ZCWPW2: variants seen among roughly 807,000 people sequenced by gnomAD.
The protein encoded by ZCWPW2 is zinc finger CW-type and PWWP domain containing 2, also known as zinc finger CW-type PWWP domain protein 2.
In ZCWPW2, 45 loss-of-function variants were observed where a neutral mutation model predicts 46.6. The ratio of observed to expected loss-of-function variants is 0.96; its 90% CI spans 0.76 to 1.24. The LOEUF (loss-of-function observed/expected upper bound fraction) is 1.24, where lower values mean the gene tolerates loss of function less well. ZCWPW2 is among the 50% of genes most tolerant of loss of function. The pLI, the probability that ZCWPW2 is intolerant of heterozygous loss-of-function variation, is 0.00. For synonymous variants in ZCWPW2, 152 were observed against 137.1 expected (o/e 1.11, Z -0.76); for missense variants, 429 against 403.9 (o/e 1.06, Z -0.53).
intron 2 of ZCWPW2, among the ~76,000 whole-genome samples, chr3:28,396,772 A>G (rs1473574421): frequency 6.6e-6 from 1 of 152,220 alleles, no homozygotes; most frequent in Non-Finnish European, 1.5e-5. Flanking sequence ...ACCAATTTCT[A>G]TCATAAGTAG....
chr3:28,356,239 A>G (rs552463555), intron 1 of ZCWPW2, among the ~76,000 whole-genome samples: 13 of 152,376 alleles, frequency 8.5e-5, no homozygotes, highest in Admixed American at 2.0e-4. Context: ...CAGCCAAAGG[A>G]CACATGGAAA....
At chr3:28,409,704 G>A (rs145940139) in intron 2 of ZCWPW2, among the ~76,000 whole-genome samples, 2 of 151,788 alleles carry the variant, frequency 1.3e-5, no homozygotes, top group Admixed American at 1.3e-4. Flanking sequence ...TAGTATTAAG[G>A]GTAACTATTG....
intron 1 of ZCWPW2, among the ~76,000 whole-genome samples, chr3:28,376,173 T>G (rs1705495145): frequency 3.3e-5 from 5 of 152,132 alleles, no homozygotes; most frequent in Admixed American, 3.3e-4. Context: ...GTGGGATTGC[T>G]GGTACTTGAT....
chr3:28,411,996 A>G (rs1277073587), intron 2 of ZCWPW2, among the ~76,000 whole-genome samples: 2 of 152,004 alleles, frequency 1.3e-5, no homozygotes, highest in East Asian at 1.9e-4. Flanking sequence ...CTATTGAAAT[A>G]TATGGACAAA....
At chr3:28,459,251 TC>T (rs1698537857) in intron 4 of ZCWPW2, among the ~76,000 whole-genome samples, 1 of 151,866 alleles carries the variant, frequency 6.6e-6, no homozygotes. Flanking sequence ...GCGCCTCTAG[TC>T]CCAGCTACTC....
At chr3:28,461,166 T>C (rs6800367) in intron 4 of ZCWPW2, 1 of 160,480 alleles carries the variant, frequency 6.2e-6, no homozygotes, top group African/African-American at 2.4e-5. Flanking sequence ...AAATTGAAGG[T>C]GCTTATATTT....
intron 3 of ZCWPW2, among the ~76,000 whole-genome samples, chr3:28,432,252 C>G (rs1389274469): frequency 2.0e-5 from 3 of 152,140 alleles, no homozygotes; most frequent in African/African-American, 7.2e-5. Context: ...TGCTGTACCA[C>G]TAGGAAATGT....
intron 1 of ZCWPW2, among the ~76,000 whole-genome samples, chr3:28,358,667 G>A (rs1010529795): frequency 3.9e-5 from 6 of 152,054 alleles, no homozygotes; most frequent in Non-Finnish European, 8.8e-5. Flanking sequence ...TCAACATCAA[G>A]TGTTGTGTAG....
intron 6 of ZCWPW2, among the ~76,000 whole-genome samples, chr3:28,499,833 A>T (rs748704672): frequency 1.3e-5 from 2 of 152,070 alleles, no homozygotes; most frequent in Non-Finnish European, 2.9e-5. Context: ...ATTTGTAGGC[A>T]TAGACACTTA....
chr3:28,478,950 T>C lies in ZCWPW2; in HGVS notation c.610+19T>C, dbSNP rs772610862. On this transcript the variant is annotated intron_variant, in intron 5 of 9. Transcript: ENST00000383768. ...CTACAAGGTGTATAAATATTTTTTC[T>C]TTATTACTCTGAAATAAGGATTTAT... 3 of 1,451,326 alleles carry C rather than the reference T, an allele frequency of 2.1e-6. No homozygotes were observed. The highest frequency in any genetic ancestry group is 1.3e-5 in the South Asian group (1 of 76,814). The allele number at this position is 1,451,326 out of a possible 1,614,324, so 89.9% of individuals were successfully genotyped here. A position where few individuals can be genotyped will look rare whatever the true frequency, so the allele number is the denominator to read the frequency against.
intron 6 of ZCWPW2, among the ~76,000 whole-genome samples, chr3:28,500,662 A>C (rs1358560490): frequency 6.6e-6 from 1 of 152,204 alleles, no homozygotes; most frequent in African/African-American, 2.4e-5. Context: ...AATTTTCATT[A>C]GCCCAATTAA....
chr3:28,455,867 T>C (rs879304754), intron 4 of ZCWPW2, among the ~76,000 whole-genome samples: 1 of 152,228 alleles, frequency 6.6e-6, no homozygotes, highest in East Asian at 1.9e-4. Flanking sequence ...ACCAGTACCG[T>C]GCTGTTTTGG....
intron 6 of ZCWPW2, among the ~76,000 whole-genome samples, chr3:28,509,124 G>A (rs1158453676): frequency 1.3e-5 from 2 of 151,958 alleles, no homozygotes; most frequent in African/African-American, 4.8e-5. Flanking sequence ...ATACTTTTAT[G>A]CCTGGCTGTT....
At chr3:28,446,680 A>G (rs552942783) in intron 4 of ZCWPW2, among the ~76,000 whole-genome samples, 1 of 152,230 alleles carries the variant, frequency 6.6e-6, no homozygotes, top group Non-Finnish European at 1.5e-5. Flanking sequence ...AAGAGCAGAG[A>G]TAAGATATAT....
At chr3:28,393,224 T>G (rs538884816) in intron 2 of ZCWPW2, among the ~76,000 whole-genome samples, 1 of 152,240 alleles carries the variant, frequency 6.6e-6, no homozygotes, top group East Asian at 1.9e-4. Flanking sequence ...CCTAGAATTA[T>G]GTAACCTACC....
chr3:28,391,941 G>A (rs150804791), intron 2 of ZCWPW2, among the ~76,000 whole-genome samples: 112 of 152,204 alleles, frequency 7.4e-4, no homozygotes, highest in African/African-American at 2.4e-3. Context: ...TAACAAAATG[G>A]CAATAGTAAG....
intron 3 of ZCWPW2, among the ~76,000 whole-genome samples, chr3:28,424,636 A>G (rs1696933148): frequency 6.6e-6 from 1 of 152,192 alleles, no homozygotes; most frequent in Admixed American, 6.5e-5. Context: ...CACAACTATG[A>G]AAAAATAAAT....
intron 3 of ZCWPW2, chr3:28,427,923 G>A (rs1029911241): frequency 1.3e-5 from 2 of 152,128 alleles, no homozygotes; most frequent in Admixed American, 6.5e-5. Flanking sequence ...ACACTGTAAT[G>A]TAACAATTAT....
chr3:28,377,199 T>A lies in ZCWPW2; in HGVS notation c.-133-13299T>A, dbSNP rs543100367. On this transcript the variant is annotated intron_variant, in intron 1 of 9. Coordinates refer to ENST00000383768, the MANE Select transcript of ZCWPW2 (RefSeq NM_001040432.4). ...TTTTACTCTGCAGATTCATATGTCA[T>A]GCATTAAAGATGCATGCTTTCATTT... Among the ~76,000 whole-genome samples, 13 of 152,214 alleles carry A rather than the reference T, an allele frequency of 8.5e-5. No individual in the cohort carries two copies. In the South Asian group the frequency reaches 2.5e-3, roughly 29 times the overall value.
Sources: gnomAD v4.1 joint callset for allele counts (sites outside exome capture counted in the v4.1 genomes callset) on GRCh38, gnomAD v4.1.1 for gene constraint, MANE v1.5 for transcripts, NCBI Gene and HGNC (gene_info 2026-07-23, HGNC 2026-07-21) for gene names.